The following RNF115 variants were observed in gnomAD, a reference collection of about 807,000 sequenced individuals.
RNF115 encodes ring finger protein 115.
RNF115 carries 31 observed loss-of-function variants against 39.2 expected under a neutral mutation model. The ratio of observed to expected loss-of-function variants is 0.79; its 90% CI spans 0.59 to 1.07. RNF115 has a LOEUF of 1.07. Among genes scored for constraint, RNF115 ranks in the 50% least tolerant of loss-of-function variants. The pLI is 0.00. For synonymous variants in RNF115, 124 were observed against 131.0 expected, an observed-to-expected ratio of 0.95 and a Z score of 0.37; for missense variants, 384 against 381.7, an observed-to-expected ratio of 1.01 and a Z score of -0.05.
chr1:145,762,174 G>C (rs1658559319), intron 4 of RNF115, among the ~76,000 whole-genome samples: 1 of 152,228 alleles, frequency 6.6e-6, no homozygotes, highest in African/African-American at 2.4e-5. Context: ...CCTTATCTCA[G>C]ATGAGACTTT....
At chr1:145,799,099 C>T (rs587691651) in intron 1 of RNF115, among the ~76,000 whole-genome samples, 23 of 148,104 alleles carry the variant, frequency 1.6e-4, no homozygotes, top group Non-Finnish European at 2.7e-4. Context: ...GATGGAGTGT[C>T]GCTCTGTCAC....
intron 5 of RNF115, 74 bp downstream of exon 5, chr1:145,752,904 C>T: frequency 9.1e-7 from 1 of 1,093,678 alleles, no homozygotes; most frequent in Non-Finnish European, 1.4e-6. Context: ...CTCTTTTTCT[C>T]TACTGCACAG....
chr1:145,784,408 C>T, intron 3 of RNF115, 131 bp downstream of exon 3: 2 of 806,332 alleles, frequency 2.5e-6, no homozygotes, highest in Non-Finnish European at 2.1e-6. Context: ...CCAAGGGTTA[C>T]TACGGCCCAC....
At chr1:145,790,591 C>T (rs1243001858) in intron 1 of RNF115, among the ~76,000 whole-genome samples, 7 of 151,524 alleles carry the variant, frequency 4.6e-5, no homozygotes, top group Admixed American at 4.6e-4. Context: ...TGCCACCATG[C>T]CCAGCTAATT....
At chr1:145,766,314 A>T (rs1306614717) in intron 4 of RNF115, among the ~76,000 whole-genome samples, 4 of 152,200 alleles carry the variant, frequency 2.6e-5, no homozygotes, top group Non-Finnish European at 5.9e-5. Flanking sequence ...GTTGGGGGTA[A>T]GGTCACAGAT....
intron 7 of RNF115, among the ~76,000 whole-genome samples, chr1:145,749,730 A>G (rs1658007102): frequency 6.6e-6 from 1 of 152,160 alleles, no homozygotes; most frequent in Non-Finnish European, 1.5e-5. Context: ...TGTTTCACAC[A>G]CTGCCCCTAG....
chr1:145,766,595 C>T (rs1239420322), intron 4 of RNF115, among the ~76,000 whole-genome samples: 1 of 151,512 alleles, frequency 6.6e-6, no homozygotes, highest in Admixed American at 6.6e-5. Context: ...CCCTCACCTC[C>T]CGGACGGGGC....
At chr1:145,765,996 CTTT>C (rs587658468) in intron 4 of RNF115, among the ~76,000 whole-genome samples, 1 of 151,178 alleles carries the variant, frequency 6.6e-6, no homozygotes, top group Non-Finnish European at 1.5e-5. Flanking sequence ...ACAAAGTACT[CTTT>C]TTCTTTTTTT....
intron 1 of RNF115, among the ~76,000 whole-genome samples, chr1:145,814,714 C>T (rs1649902805): frequency 6.6e-6 from 1 of 152,000 alleles, no homozygotes; most frequent in Non-Finnish European, 1.5e-5. Context: ...CTTCCTTATA[C>T]TGAAAAAGTC....
At chr1:145,773,364 T>C (rs1268967773) in intron 3 of RNF115, 1 of 152,062 alleles carries the variant, frequency 6.6e-6, no homozygotes, top group Non-Finnish European at 1.5e-5. Flanking sequence ...GTGCCTGTAA[T>C]TCCAGCTACT....
chr1:145,794,050 GC>G (rs1177181065), intron 1 of RNF115, among the ~76,000 whole-genome samples: 1 of 151,912 alleles, frequency 6.6e-6, no homozygotes, highest in Non-Finnish European at 1.5e-5. Flanking sequence ...CGCCACGATG[GC>G]CAGGCTGGTC....
In RNF115 at chr1:145,742,687, AAT is replaced by A. The variant is rs1657724997; in HGVS notation, c.*4177_*4178del. ...ACACGTGTTTGTCTGTGAATATATA[AAT>A]ATCTCTATTTACACATATATACATA... On this transcript the variant is annotated 3_prime_UTR_variant, in exon 9 of 9. Transcript: ENST00000582693. 6.6e-6 allele frequency: 1 copy of A among 152,168 alleles called. No individual in the cohort carries two copies. Among genetic ancestry groups the A allele is most frequent in the Non-Finnish European group, 1.5e-5 (1 of 68,026 alleles). 9.4% of individuals were successfully genotyped at this position (152,168 alleles called of 1,614,324 possible). A position where few individuals can be genotyped will look rare whatever the true frequency, so the allele number is the denominator to read the frequency against.
At chr1:145,791,555 A>G (rs1648669187) in intron 1 of RNF115, among the ~76,000 whole-genome samples, 2 of 151,716 alleles carry the variant, frequency 1.3e-5, no homozygotes, top group South Asian at 2.1e-4. Flanking sequence ...ACTGAATAAC[A>G]GCATAAATCA....
chr1:145,819,823 A>G (rs60538857), intron 1 of RNF115, among the ~76,000 whole-genome samples: 13,914 of 148,004 alleles, frequency 0.094, no homozygotes, highest in East Asian at 0.25. Flanking sequence ...AGATCACTTG[A>G]GGTCAGGATT....
chr1:145,810,450 TAAG>T (rs1481253789), intron 1 of RNF115, among the ~76,000 whole-genome samples: 1 of 53,212 alleles, frequency 1.9e-5, no homozygotes, highest in Non-Finnish European at 3.8e-5. Flanking sequence ...TTCTCATTTG[TAAG>T]TAGGGGCTAA....
chr1:145,781,989 G>A lies in RNF115; in HGVS notation c.219+2550C>T, dbSNP rs587751261. ...GCAATCTCCGCTCACTGCAACCTCC[G>A]CCTTCTGGGTTCAAGCAATTCTCCT... is the stretch of plus-strand genomic sequence containing the variant. On this transcript the variant is annotated intron_variant, in intron 3 of 8. Transcript: ENST00000582693. Among the ~76,000 whole-genome samples the A allele has an allele frequency of 3.4e-5, 5 of 145,944 alleles. No individual in the cohort carries two copies. In the South Asian group the frequency reaches 6.5e-4, roughly 19 times the overall value.
intron 3 of RNF115, among the ~76,000 whole-genome samples, chr1:145,783,798 T>C (rs1401777113): frequency 1.3e-5 from 2 of 151,586 alleles, no homozygotes; most frequent in African/African-American, 4.9e-5. Context: ...CACTGAATTA[T>C]ACACTTAAGA....
intron 4 of RNF115, among the ~76,000 whole-genome samples, chr1:145,763,431 C>T (rs1658609657): frequency 6.6e-6 from 1 of 152,212 alleles, no homozygotes. Context: ...GGCGCAGTGG[C>T]TCACGCCTGT....
Position 145,809,488 on chromosome 1 carries a change from A to ATTTTTTTTTTT in RNF115, c.102+14273_102+14283dup, listed in dbSNP as rs781918386. On this transcript the variant is annotated intron_variant, in intron 1 of 8. Coordinates refer to ENST00000582693, the MANE Select transcript of RNF115 (RefSeq NM_014455.4). ...GCGCCACTGCACCCAGACCCAGCTA[A>ATTTTTTTTTTT]TTTTTTTTTTTTTTTTTTTTTGGAG... 7.1e-4 allele frequency among the ~76,000 whole-genome samples: 33 copies of ATTTTTTTTTTT among 46,340 alleles called. 2 individuals are homozygous for ATTTTTTTTTTT. The highest frequency in any genetic ancestry group is 2.7e-3 in the African/African-American group (28 of 10,438). The allele number at this position is 46,340 out of a possible 152,430, so 30.4% of individuals were successfully genotyped here.
Sources: gnomAD v4.1 joint callset for allele counts (sites outside exome capture counted in the v4.1 genomes callset) on GRCh38, gnomAD v4.1.1 for gene constraint, MANE v1.5 for transcripts, NCBI Gene and HGNC (gene_info 2026-07-23, HGNC 2026-07-21) for gene names.